CSMD1: variants seen among roughly 807,000 people sequenced by gnomAD.
The protein encoded by CSMD1 is CUB and sushi domain-containing protein 1.
A neutral mutation model predicts 417.5 loss-of-function variants in CSMD1; 213 were observed. The observed-to-expected ratio is 0.51, with a 90% confidence interval of 0.46 to 0.57. The LOEUF (loss-of-function observed/expected upper bound fraction) is 0.57. Ranked by LOEUF, CSMD1 falls within the 20% of genes least tolerant of loss-of-function variation. The pLI, the probability that CSMD1 is intolerant of heterozygous loss-of-function variation, is 0.00. For missense variants in CSMD1, 6,923 were observed against 4,529.7 expected (o/e 1.53, Z -15.17); for synonymous variants, 2,862 against 1,736.8 (o/e 1.65, Z -16.11).
At chr8:3,272,909 T>G (rs1353926181) in intron 26 of CSMD1, among the ~76,000 whole-genome samples, 1 of 149,376 alleles carries the variant, frequency 6.7e-6, no homozygotes, top group African/African-American at 2.5e-5. Flanking sequence ...TTTTCCTAAT[T>G]GAATACCCTT....
At position 3,548,659 on chromosome 8, in the gene CSMD1, T is replaced by TACACACACACACACAC. The variant is rs146360407; in HGVS notation, c.1344+26270_1344+26285dup. On this transcript the variant is annotated intron_variant, in intron 10 of 69. Coordinates refer to ENST00000635120, the MANE Select transcript of CSMD1 (RefSeq NM_033225.6). ...TTCACGGCTGAGTGGTATTCCATCA[T>TACACACACACACACAC]ACACACACACACACACACACACACA... is the stretch of plus-strand genomic sequence containing the variant. Among the ~76,000 whole-genome samples, 54 of 133,112 alleles carry TACACACACACACACAC rather than the reference T, an allele frequency of 4.1e-4. 1 individual carries two copies. The highest frequency in any genetic ancestry group is 1.3e-3 in the African/African-American group (43 of 34,286). The allele number at this position is 133,112 out of a possible 152,430, so 87.3% of individuals were successfully genotyped here. A position where few individuals can be genotyped will look rare whatever the true frequency, so the allele number is the denominator to read the frequency against.
chr8:3,806,523 T>G (rs1800753008), intron 5 of CSMD1, among the ~76,000 whole-genome samples: 1 of 152,146 alleles, frequency 6.6e-6, no homozygotes, highest in Admixed American at 6.6e-5. Context: ...CTCTGTGCTT[T>G]GAGGCATATT....
chr8:3,242,737 G>A, intron 26 of CSMD1, among the ~76,000 whole-genome samples: 1 of 151,890 alleles, frequency 6.6e-6, no homozygotes, highest in East Asian at 2.0e-4. Context: ...AGAGAAAAGA[G>A]AGAGTAGAGA....
intron 3 of CSMD1, among the ~76,000 whole-genome samples, chr8:4,205,586 T>C (rs1471733001): frequency 1.3e-5 from 2 of 152,212 alleles, no homozygotes; most frequent in African/African-American, 4.8e-5. Flanking sequence ...ATATAAATGA[T>C]GGGGTAGGAT....
intron 47 of CSMD1, among the ~76,000 whole-genome samples, chr8:3,095,997 T>C (rs777201140): frequency 6.6e-6 from 1 of 152,170 alleles, no homozygotes; most frequent in Non-Finnish European, 1.5e-5. Context: ...TCTAGAAATC[T>C]CTGTGAGCCA....
At chr8:3,809,740 C>T (rs368943280) in intron 5 of CSMD1, among the ~76,000 whole-genome samples, 1 of 152,050 alleles carries the variant, frequency 6.6e-6, no homozygotes, top group Non-Finnish European at 1.5e-5. Flanking sequence ...GAAGGTTTTC[C>T]TAAGAGGGGA....
intron 23 of CSMD1, among the ~76,000 whole-genome samples, chr8:3,314,152 G>C (rs976479516): frequency 2.0e-5 from 3 of 152,080 alleles, no homozygotes; most frequent in Non-Finnish European, 2.9e-5. Context: ...GATAGCATTA[G>C]GAGATATACC....
Position 4,533,003 on chromosome 8 carries a change from C to A in CSMD1, c.302+104339G>T, listed in dbSNP as rs183734408. 7.2e-5 allele frequency among the ~76,000 whole-genome samples: 11 copies of A among 152,226 alleles called. No homozygotes were observed. The East Asian group carries it at 2.1e-3, about 29-fold the overall frequency. On this transcript the variant is annotated intron_variant, in intron 2 of 69. Transcript: ENST00000635120. ...TCACTCTGGAAAAGAAATCCTGCAC[C>A]CCTACTCACAGTCACTCCGGAGTTT...
intron 1 of CSMD1, among the ~76,000 whole-genome samples, chr8:4,666,111 G>A (rs1804907683): frequency 2.0e-5 from 3 of 152,084 alleles, no homozygotes; most frequent in African/African-American, 7.2e-5. Context: ...TGGTGACTGG[G>A]GGGCGCTGAG....
chr8:3,603,011 G>A (rs1202897381), intron 8 of CSMD1, among the ~76,000 whole-genome samples: 1 of 152,120 alleles, frequency 6.6e-6, no homozygotes, highest in Non-Finnish European at 1.5e-5. Context: ...AGAGAGGGAG[G>A]ATATTCCACC....
chr8:4,185,277 T>A (rs1032110230), intron 3 of CSMD1, among the ~76,000 whole-genome samples: 1 of 152,116 alleles, frequency 6.6e-6, no homozygotes, highest in Middle Eastern at 3.2e-3. Context: ...GTCATGATCT[T>A]GGGCAAATTG....
intron 10 of CSMD1, among the ~76,000 whole-genome samples, chr8:3,511,150 T>C (rs940413046): frequency 2.6e-5 from 4 of 151,750 alleles, no homozygotes; most frequent in African/African-American, 9.7e-5. Context: ...AAACACTGCA[T>C]GTTCTCAGTA....
intron 3 of CSMD1, among the ~76,000 whole-genome samples, chr8:4,076,106 C>T (rs1799807774): frequency 6.6e-6 from 1 of 152,108 alleles, no homozygotes; most frequent in Non-Finnish European, 1.5e-5. Context: ...CCATAATCCC[C>T]ACGTGTCATG....
At chr8:4,707,835 C>T (rs1584975014) in intron 1 of CSMD1, among the ~76,000 whole-genome samples, 2 of 135,706 alleles carry the variant, frequency 1.5e-5, no homozygotes, top group Middle Eastern at 4.8e-3. Context: ...TGCAGTGAAC[C>T]AAGATCGCAC....
intron 5 of CSMD1, among the ~76,000 whole-genome samples, chr8:3,823,508 C>A (rs1801865144): frequency 6.6e-6 from 1 of 151,966 alleles, no homozygotes; most frequent in South Asian, 2.1e-4. Context: ...ATGCTTGAAT[C>A]AAATAACATT....
intron 3 of CSMD1, among the ~76,000 whole-genome samples, chr8:4,078,560 G>C (rs1038220767): frequency 1.3e-5 from 2 of 151,350 alleles, no homozygotes; most frequent in Non-Finnish European, 2.9e-5. Context: ...CACTGCGCCC[G>C]GCTGATATCC....
At chr8:3,318,020 C>T (rs1321926225) in intron 23 of CSMD1, among the ~76,000 whole-genome samples, 1 of 152,118 alleles carries the variant, frequency 6.6e-6, no homozygotes, top group Non-Finnish European at 1.5e-5. Context: ...CGGCTGGGCT[C>T]AAAACCCTGG....
At chr8:4,031,548 C>A (rs571283747) in intron 4 of CSMD1, among the ~76,000 whole-genome samples, 9 of 152,230 alleles carry the variant, frequency 5.9e-5, no homozygotes, top group African/African-American at 1.9e-4. Context: ...AACTACCGTT[C>A]AACATGAGGT....
chr8:4,034,332 G>T (rs371976190), intron 3 of CSMD1, among the ~76,000 whole-genome samples: 1 of 152,296 alleles, frequency 6.6e-6, no homozygotes, highest in Non-Finnish European at 1.5e-5. Context: ...CATAGTCAAA[G>T]TGTATTCAGT....
Sources: gnomAD v4.1 joint callset for allele counts (sites outside exome capture counted in the v4.1 genomes callset) on GRCh38, gnomAD v4.1.1 for gene constraint, MANE v1.5 for transcripts, NCBI Gene and HGNC (gene_info 2026-07-23, HGNC 2026-07-21) for gene names.